The following AKAP6 variants were observed in gnomAD, a reference collection of about 807,000 sequenced individuals.
The protein encoded by AKAP6 is A-kinase anchoring protein 6.
In AKAP6, 58 loss-of-function variants were observed where a neutral mutation model predicts 188.5. The observed-to-expected ratio is 0.31, with a 90% confidence interval of 0.25 to 0.38. The LOEUF (loss-of-function observed/expected upper bound fraction) is 0.38. AKAP6 is among the 10% of genes least tolerant of loss of function. The pLI is 1.00. For synonymous variants in AKAP6, 989 were observed against 998.6 expected, an observed-to-expected ratio of 0.99 and a Z score of 0.18; for missense variants, 2,710 against 2,740.0, an observed-to-expected ratio of 0.99 and a Z score of 0.24.
intron 12 of AKAP6, among the ~76,000 whole-genome samples, chr14:32,789,533 A>G (rs1159788134): frequency 6.6e-6 from 1 of 152,234 alleles, no homozygotes; most frequent in Admixed American, 6.5e-5. Context: ...GCTGGCTGCC[A>G]TCTTTGCTGT....
intron 2 of AKAP6, among the ~76,000 whole-genome samples, chr14:32,503,831 T>A (rs1880726715): frequency 2.0e-5 from 3 of 152,122 alleles, no homozygotes; most frequent in Admixed American, 2.0e-4. Context: ...ATTGCCCTTT[T>A]TTCAGTTTTG....
intron 3 of AKAP6, among the ~76,000 whole-genome samples, chr14:32,536,868 G>T (rs1408941763): frequency 6.6e-6 from 1 of 152,162 alleles, no homozygotes; most frequent in Non-Finnish European, 1.5e-5. Flanking sequence ...TGGATACGTT[G>T]CATGTAGGGA....
intron 12 of AKAP6, among the ~76,000 whole-genome samples, chr14:32,801,197 G>A (rs903178205): frequency 6.6e-6 from 1 of 151,852 alleles, no homozygotes; most frequent in East Asian, 1.9e-4. Context: ...TTTATTCATT[G>A]CATTTGTTCT....
chr14:32,619,745 T>G (rs1314843087), intron 7 of AKAP6, among the ~76,000 whole-genome samples: 2 of 152,180 alleles, frequency 1.3e-5, no homozygotes, highest in Non-Finnish European at 2.9e-5. Context: ...GCATTGAATC[T>G]GTAGATTGCT....
intron 2 of AKAP6, among the ~76,000 whole-genome samples, chr14:32,511,733 C>T (rs763306547): frequency 6.6e-5 from 10 of 152,100 alleles, no homozygotes; most frequent in Non-Finnish European, 1.3e-4. Context: ...CTACTTTTGG[C>T]CACACATTTT....
chr14:32,725,520 G>T (rs761039297), intron 9 of AKAP6, among the ~76,000 whole-genome samples: 8 of 151,972 alleles, frequency 5.3e-5, no homozygotes, highest in Non-Finnish European at 1.2e-4. Flanking sequence ...ACCATTTCAG[G>T]AATGTTGATT....
At chr14:32,614,301 C>A (rs1886467360) in intron 7 of AKAP6, among the ~76,000 whole-genome samples, 1 of 152,164 alleles carries the variant, frequency 6.6e-6, no homozygotes, top group Non-Finnish European at 1.5e-5. Context: ...ACACAAAAAG[C>A]TTAATGACTA....
rs140435128 is a variant in AKAP6, at chr14:32,466,019, T to C, written c.324+32202T>C. Reference sequence around the variant, plus strand: ...ATTACAGAAATGCAAATCAAAACCGTAATGAGATACCACCTCACACCAGTT... The same window carrying C: ...ATTACAGAAATGCAAATCAAAACCGCAATGAGATACCACCTCACACCAGTT... On this transcript the variant is annotated intron_variant, in intron 2 of 13. Transcript: ENST00000280979. 3.0e-3 allele frequency among the ~76,000 whole-genome samples: 450 copies of C among 152,234 alleles called. 5 individuals carry two copies. The highest frequency in any genetic ancestry group is 9.6e-3 in the African/African-American group (398 of 41,544).
In AKAP6 at chr14:32,577,121, G is replaced by C; in HGVS notation, c.2348G>C (p.Gly783Ala). ...NYEAIWEKIE[G>A]FVNKLDEFIQ... ...TCCCCTTTTCTTTCCTTTCACAAGG[G>C]GTTTGTAAACAAACTGGATGAATTC... is the stretch of plus-strand genomic sequence containing the variant. The change falls in exon 5 of 14, where the codon GGG (glycine) becomes GCG (alanine). Residue 783 changes from glycine (G) to alanine (A), a missense_variant and splice_region_variant. Coordinates refer to ENST00000280979, the MANE Select transcript of AKAP6 (RefSeq NM_004274.5). 6.2e-7 allele frequency: 1 copy of C among 1,605,122 alleles called. No individual in the cohort carries two copies. Among genetic ancestry groups the C allele is most frequent in the South Asian group, 1.1e-5 (1 of 88,702 alleles).
intron 2 of AKAP6, among the ~76,000 whole-genome samples, chr14:32,469,720 T>A (rs998633890): frequency 1.6e-5 from 1 of 62,876 alleles, no homozygotes; most frequent in Non-Finnish European, 3.0e-5. Context: ...CAAATTTTTT[T>A]TTTTTATTAT....
At chr14:32,626,361 T>C (rs553948407) in intron 7 of AKAP6, among the ~76,000 whole-genome samples, 31 of 152,220 alleles carry the variant, frequency 2.0e-4, no homozygotes, top group Middle Eastern at 6.8e-3. Context: ...GCTTCAATTT[T>C]CCTTTTTTTA....
intron 9 of AKAP6, among the ~76,000 whole-genome samples, chr14:32,717,676 T>C (rs2030299485): frequency 6.6e-6 from 1 of 151,924 alleles, no homozygotes; most frequent in African/African-American, 2.4e-5. Context: ...TCTTTGAATA[T>C]TTATAGCAGA....
chr14:32,736,131 T>C (rs1450401011), intron 11 of AKAP6, among the ~76,000 whole-genome samples: 2 of 152,146 alleles, frequency 1.3e-5, no homozygotes, highest in Admixed American at 6.5e-5. Context: ...CAATGCTTGT[T>C]GAGGGAGGAC....
At chr14:32,397,991 G>A (rs1888935607) in intron 1 of AKAP6, among the ~76,000 whole-genome samples, 1 of 152,166 alleles carries the variant, frequency 6.6e-6, no homozygotes, top group African/African-American at 2.4e-5. Context: ...GTCTGGCAAT[G>A]TTGCTTTTTC....
Position 32,559,783 on chromosome 14 carries a change from CTT to C in AKAP6, c.2346+12804_2346+12805del, listed in dbSNP as rs35914295. On this transcript the variant is annotated intron_variant, in intron 4 of 13. Transcript: ENST00000280979. ...TGGGAGGTAGTCCTCTAAGCCTAAT[CTT>C]TTTTTTTTTTTTTTTTTTTAAGGCA... 4.4e-3 allele frequency among the ~76,000 whole-genome samples: 521 copies of C among 119,006 alleles called. 1 individual carries two copies. The highest frequency in any genetic ancestry group is 0.028 in the South Asian group (101 of 3,660). The allele number at this position is 119,006 out of a possible 152,430, so 78.1% of individuals were successfully genotyped here.
intron 2 of AKAP6, chr14:32,495,090 C>T (rs1880238474): frequency 6.6e-6 from 1 of 152,186 alleles, no homozygotes; most frequent in African/African-American, 2.4e-5. Context: ...AGCTGAGTGA[C>T]TGAGGATTTG....
At chr14:32,373,487 C>T (rs1370252776) in intron 1 of AKAP6, 3 of 152,118 alleles carry the variant, frequency 2.0e-5, no homozygotes, top group Non-Finnish European at 4.4e-5. Flanking sequence ...ATCTCAAGCA[C>T]TGATCTTAGG....
At chr14:32,685,479 C>T (rs1423792388) in intron 8 of AKAP6, among the ~76,000 whole-genome samples, 2 of 151,904 alleles carry the variant, frequency 1.3e-5, no homozygotes, top group Non-Finnish European at 2.9e-5. Context: ...AATCCCAGCA[C>T]TTTGGGAGGC....
intron 7 of AKAP6, among the ~76,000 whole-genome samples, chr14:32,668,275 G>A (rs1394020730): frequency 6.6e-6 from 1 of 152,064 alleles, no homozygotes; most frequent in African/African-American, 2.4e-5. Flanking sequence ...AAAAAGGAGA[G>A]GGTGGTAGTA....
Sources: gnomAD v4.1 joint callset for allele counts (sites outside exome capture counted in the v4.1 genomes callset) on GRCh38, gnomAD v4.1.1 for gene constraint, MANE v1.5 for transcripts, NCBI Gene and HGNC (gene_info 2026-07-23, HGNC 2026-07-21) for gene names.